Variants in CACNG8 observed in about 807,000 individuals in gnomAD.
CACNG8 encodes voltage-dependent calcium channel gamma-8 subunit.
CACNG8 carries 5 observed loss-of-function variants against 26.9 expected under a neutral mutation model. The ratio of observed to expected loss-of-function variants is 0.19; its 90% confidence interval spans 0.10 to 0.39. The LOEUF (loss-of-function observed/expected upper bound fraction) is 0.39, where lower values mean the gene tolerates loss of function less well. CACNG8 is among the 10% of genes least tolerant of loss of function. The probability of loss-of-function intolerance (pLI) is 1.00; values close to 1 mark genes in which losing one functional copy is unlikely to be tolerated. For missense variants in CACNG8, 473 were observed against 609.4 expected (o/e 0.78, Z 2.36); for synonymous variants, 321 against 296.7 (o/e 1.08, Z -0.84).
At chr19:53,970,212 A>G (rs954149072) in intron 1 of CACNG8, among the ~76,000 whole-genome samples, 1 of 152,186 alleles carries the variant, frequency 6.6e-6, no homozygotes, top group African/African-American at 2.4e-5. Flanking sequence ...GCTACTTGGG[A>G]GGCTGAGGCA....
chr19:53,980,067 T>C, intron 3 of CACNG8, 60 bp downstream of exon 3: 4 of 1,383,226 alleles, frequency 2.9e-6, no homozygotes, highest in South Asian at 3.0e-5. Flanking sequence ...CGTGTGTGTG[T>C]GTGTGTGTGT....
intron 1 of CACNG8, among the ~76,000 whole-genome samples, chr19:53,967,435 T>G (rs1600025137): frequency 6.6e-6 from 1 of 152,196 alleles, no homozygotes; most frequent in Admixed American, 6.5e-5. Flanking sequence ...AGTAAAGATT[T>G]CAGGCTTTGT....
chr19:53,966,759 T>C (rs1600024793), intron 1 of CACNG8, among the ~76,000 whole-genome samples: 1 of 152,150 alleles, frequency 6.6e-6, no homozygotes, highest in African/African-American at 2.4e-5. Flanking sequence ...CCGTTGAAGG[T>C]TCTTGAGCAG....
rs2069427815 is a variant in CACNG8, at chr19:53,989,516, A to G, written c.*6667A>G. 1 of 152,372 alleles carries G rather than the reference A, an allele frequency of 6.6e-6. No homozygotes were observed. Among genetic ancestry groups the G allele is most frequent in the Non-Finnish European group, 1.5e-5 (1 of 68,042 alleles). The allele number at this position is 152,372 out of a possible 1,614,324, so 9.4% of individuals were successfully genotyped here. A position where few individuals can be genotyped will look rare whatever the true frequency, so the allele number is the denominator to read the frequency against. Reference sequence around the variant, plus strand: ...GAATGATCAATAAAAAGAAAAAAAAATATTTCCTGAGGACTTCCAAGTACA... The same window carrying G: ...GAATGATCAATAAAAAGAAAAAAAAGTATTTCCTGAGGACTTCCAAGTACA... On this transcript the variant is annotated 3_prime_UTR_variant, in exon 4 of 4. Coordinates refer to ENST00000270458, the MANE Select transcript of CACNG8 (RefSeq NM_031895.6).
chr19:53,981,972 TG>T, intron 3 of CACNG8, 107 bp from the exon 4 acceptor site: 3 of 1,174,530 alleles, frequency 2.6e-6, no homozygotes, highest in South Asian at 1.8e-5. Context: ...CTAGACCGCC[TG>T]GGGGTGGCGC....
intron 3 of CACNG8, 98 bp downstream of exon 3, chr19:53,980,105 CAAGT>C: frequency 2.8e-5 from 35 of 1,271,572 alleles, no homozygotes; most frequent in Non-Finnish European, 3.2e-5. Context: ...CGCGTGAGTG[CAAGT>C]GCGCGTTCGT....
In CACNG8 at chr19:53,982,425, C is replaced by A; in HGVS notation, c.854C>A (p.Pro285Gln). The change falls in exon 4 of 4, where the codon CCG (proline) becomes CAG (glutamine). Residue 285 changes from proline to glutamine, a missense_variant. Transcript: ENST00000270458. The surrounding 1 kb of genome is among the most constrained non-coding windows in gnomAD (Gnocchi z 8.4). Reference sequence around the variant, plus strand: ...AGCTCCCGCTCCAGCGAGCCGTCGCCGTCGCGGGACGCGTCTCCCGGCGGC... The same window carrying A: ...AGCTCCCGCTCCAGCGAGCCGTCGCAGTCGCGGGACGCGTCTCCCGGCGGC... The A allele has an allele frequency of 6.6e-7, 1 of 1,519,678 alleles. No individual in the cohort carries two copies. The highest frequency in any genetic ancestry group is 8.8e-7 in the Non-Finnish European group (1 of 1,140,614). 94.1% of individuals were successfully genotyped at this position (1,519,678 alleles called of 1,614,324 possible).
At chr19:53,980,624 G>GA in intron 3 of CACNG8, among the ~76,000 whole-genome samples, 1 of 152,156 alleles carries the variant, frequency 6.6e-6, no homozygotes, top group Non-Finnish European at 1.5e-5. Context: ...GCGATGCCTG[G>GA]AAAAGCCAAA....
chr19:53,982,606 C>CGGCGGCGGA lies in CACNG8; in HGVS notation c.1044_1052dup (p.Gly350_Gly352dup), dbSNP rs1156601332. 1 of 969,510 alleles carries CGGCGGCGGA rather than the reference C, an allele frequency of 1.0e-6. No homozygotes were observed. The highest frequency in any genetic ancestry group is 4.6e-5 in the South Asian group (1 of 21,836). The allele number at this position is 969,510 out of a possible 1,614,324, so 60.1% of individuals were successfully genotyped here. Reference sequence around the variant, plus strand: ...GCGGCGCGGCCGGGGGCGCCGGGGGCGGCGGCGGAGGCGGCGGCGGGGCGG... The same window carrying CGGCGGCGGA: ...GCGGCGCGGCCGGGGGCGCCGGGGGCGGCGGCGGAGGCGGCGGAGGCGGCGGCGGGGCGG... On this transcript the variant is annotated inframe_insertion, in exon 4 of 4. Transcript: ENST00000270458. The surrounding 1 kb of genome is among the most constrained non-coding windows in gnomAD (Gnocchi z 8.4).
At chr19:53,980,081 T>TGCGC (rs879171630) in intron 3 of CACNG8, 74 bp downstream of exon 3, 166 of 1,279,920 alleles carry the variant, frequency 1.3e-4, no homozygotes, top group Middle Eastern at 4.3e-4. Context: ...TGTGTGTGTG[T>TGCGC]GTGTGCGCGC....
In CACNG8 at chr19:53,982,555, C is replaced by CGGA; in HGVS notation, c.986_987insAGG (p.Gly331dup). On this transcript the variant is annotated inframe_insertion, in exon 4 of 4. Transcript: ENST00000270458. This position sits in a 1 kb window ranked among gnomAD's most constrained non-coding sequence, Gnocchi z 8.4. ...CGGGGCTGGCGGGGGCCGGCGGCGG[C>CGGA]GGCGGCGGCGCCGTGGGGGCGTTCG... The CGGA allele has an allele frequency of 8.5e-7, 1 of 1,176,984 alleles. No individual in the cohort carries two copies. The highest frequency in any genetic ancestry group is 1.0e-6 in the Non-Finnish European group (1 of 954,142). The allele number at this position is 1,176,984 out of a possible 1,614,324, so 72.9% of individuals were successfully genotyped here.
At position 53,982,534 on chromosome 19, in the gene CACNG8, G is replaced by C; in HGVS notation, c.963G>C (p.Gly321=). 1 of 1,250,140 alleles carries C rather than the reference G, an allele frequency of 8.0e-7. No individual in the cohort carries two copies. Among genetic ancestry groups the C allele is most frequent in the East Asian group, 3.2e-5 (1 of 30,898 alleles). The allele number at this position is 1,250,140 out of a possible 1,614,324, so 77.4% of individuals were successfully genotyped here. The change falls in exon 4 of 4, where the codon GGG becomes GGC. Residue 321 remains glycine (G), a synonymous_variant. Coordinates refer to ENST00000270458, the MANE Select transcript of CACNG8 (RefSeq NM_031895.6). The surrounding 1 kb of genome is among the most constrained non-coding windows in gnomAD (Gnocchi z 8.4). Reference sequence around the variant, plus strand: ...CCTCCAAGGGCAGCGTGGCCGCGGGGCTGGCGGGGGCCGGCGGCGGCGGCG... The same window carrying C: ...CCTCCAAGGGCAGCGTGGCCGCGGGCCTGGCGGGGGCCGGCGGCGGCGGCG...
In CACNG8 at chr19:53,967,267, A is replaced by G. The variant is rs564319563; in HGVS notation, c.283+3842A>G. On this transcript the variant is annotated intron_variant, in intron 1 of 3. Coordinates refer to ENST00000270458, the MANE Select transcript of CACNG8 (RefSeq NM_031895.6). Reference sequence around the variant, plus strand: ...TGAGAATAGGGGAGCCATTCATAAGATGAAACAGCAGCTGTTTTATTTATT... The same window carrying G: ...TGAGAATAGGGGAGCCATTCATAAGGTGAAACAGCAGCTGTTTTATTTATT... 9.8e-5 allele frequency among the ~76,000 whole-genome samples: 15 copies of G among 152,318 alleles called. No individual in the cohort carries two copies. In the South Asian group the frequency reaches 2.9e-3, roughly 29 times the overall value.
intron 1 of CACNG8, among the ~76,000 whole-genome samples, chr19:53,970,064 C>T (rs2069293355): frequency 6.6e-6 from 1 of 152,220 alleles, no homozygotes; most frequent in African/African-American, 2.4e-5. Context: ...TGCCTGTAAT[C>T]CCAGCACTTT....
chr19:53,978,883 GGAGGAAGGGA>G (rs1394651672), intron 2 of CACNG8, among the ~76,000 whole-genome samples: 3 of 147,242 alleles, frequency 2.0e-5, no homozygotes, highest in Non-Finnish European at 4.5e-5. Context: ...AGGGAGGGAA[GGAGGAAGGGA>G]GAGGAAGGGA....
At chr19:53,966,858 G>A (rs2069274930) in intron 1 of CACNG8, among the ~76,000 whole-genome samples, 1 of 152,170 alleles carries the variant, frequency 6.6e-6, no homozygotes, top group Non-Finnish European at 1.5e-5. Context: ...ATGAGACAAC[G>A]AGAGGCTCAT....
At position 53,982,516 on chromosome 19, in the gene CACNG8, G is replaced by C; in HGVS notation, c.945G>C (p.Lys315Asn). 7.3e-7 allele frequency: 1 copy of C among 1,374,146 alleles called. No homozygotes were observed. 85.1% of individuals were successfully genotyped at this position (1,374,146 alleles called of 1,614,324 possible). Residue 315 changes from lysine to asparagine, a missense_variant, in exon 4 of 4, where the codon AAG (lysine) becomes AAC (asparagine). Lys to Asn is a moderately conservative substitution (Grantham distance 94). Transcript: ENST00000270458. This position sits in a 1 kb window ranked among gnomAD's most constrained non-coding sequence, Gnocchi z 8.4. Reference sequence around the variant, plus strand: ...ACACGCTCAGCCGCGACCCCTCCAAGGGCAGCGTGGCCGCGGGGCTGGCGG... The same window carrying C: ...ACACGCTCAGCCGCGACCCCTCCAACGGCAGCGTGGCCGCGGGGCTGGCGG...
Position 53,973,955 on chromosome 19 carries a change from G to T in CACNG8, c.284-4191G>T, listed in dbSNP as rs190306814. On this transcript the variant is annotated intron_variant, in intron 1 of 3. Transcript: ENST00000270458. ...CATTCACTCATTCACTCATTCATTCGTTCATTCATTTTGATAATTGTAGTA... is the reference window on the plus strand; with the variant it reads ...CATTCACTCATTCACTCATTCATTCTTTCATTCATTTTGATAATTGTAGTA... 2.0e-5 allele frequency among the ~76,000 whole-genome samples: 3 copies of T among 152,270 alleles called. No homozygotes were observed. In the East Asian group the frequency reaches 5.8e-4, roughly 29 times the overall value.
rs188919917 is a variant in CACNG8, at chr19:53,989,444, T to G, written c.*6595T>G. The G allele has an allele frequency of 6.6e-6, 1 of 152,104 alleles. No homozygotes were observed. The highest frequency in any genetic ancestry group is 1.5e-5 in the Non-Finnish European group (1 of 67,868). 9.4% of individuals were successfully genotyped at this position (152,104 alleles called of 1,614,324 possible). On this transcript the variant is annotated 3_prime_UTR_variant, in exon 4 of 4. Coordinates refer to ENST00000270458, the MANE Select transcript of CACNG8 (RefSeq NM_031895.6). The stretch of plus-strand genomic sequence containing the variant: ...GTAAGCCGGAGAAAGACCCAGAGAT[T>G]CGCATAGAAAGCAACGTGGAGACTC...
Sources: allele counts gnomAD v4.1 joint callset (sites outside exome capture counted in the v4.1 genomes callset), GRCh38; gene constraint gnomAD v4.1.1; non-coding constraint Gnocchi (gnomAD v3.1); transcripts MANE v1.5; gene names NCBI Gene and HGNC (gene_info 2026-07-23, HGNC 2026-07-21).